The following SPATA25 variants were observed in gnomAD, a reference collection of about 807,000 sequenced individuals.
The protein encoded by SPATA25 is spermatogenesis associated 25.
Under a neutral mutation model 16.0 loss-of-function variants are expected in SPATA25, and 16 were observed. The ratio of observed to expected loss-of-function variants is 1.00; its 90% CI spans 0.68 to 1.52. The LOEUF (loss-of-function observed/expected upper bound fraction) is 1.52. SPATA25 is among the 40% of genes most tolerant of loss of function. The pLI, the probability that SPATA25 is intolerant of heterozygous loss-of-function variation, is 0.00. For missense variants in SPATA25, 285 were observed against 289.2 expected (o/e 0.99, Z 0.11); for synonymous variants, 115 against 118.5 (o/e 0.97, Z 0.19).
At chr20:45,890,180 G>A (rs1986684667), upstream of SPATA25, 2 of 1,569,308 alleles carry the variant, frequency 1.3e-6, no homozygotes, top group Non-Finnish European at 1.8e-6. Context: ...CTAGCACATG[G>A]GCTACGGAGC....
At position 45,887,082 on chromosome 20, in the gene SPATA25, G is replaced by T; in HGVS notation, c.119C>A (p.Ala40Asp). The T allele has an allele frequency of 6.2e-7, 1 of 1,606,346 alleles. No individual in the cohort carries two copies. ...LCSPVEPVVV[A>D]SGGTGPLSQK... Reference sequence around the variant, plus strand: ...GCTCAGTGGGCCTGTTCCACCAGAGGCCACCACCACTGGCTCTACAGGACT... The same window carrying T: ...GCTCAGTGGGCCTGTTCCACCAGAGTCCACCACCACTGGCTCTACAGGACT... Residue 40 changes from alanine to aspartate, a missense_variant, in exon 2 of 2, where the codon GCC becomes GAC. By Grantham distance (126) the Ala-to-Asp change is moderately radical (BLOSUM62 -2). Coordinates refer to ENST00000372519, the MANE Select transcript of SPATA25 (RefSeq NM_080608.4).
intron 1 of SPATA25, 141 bp from the exon 2 acceptor site, chr20:45,887,286 T>TA: frequency 2.8e-6 from 3 of 1,061,456 alleles, no homozygotes; most frequent in Non-Finnish European, 4.0e-6. Flanking sequence ...AACTAGGTGT[T>TA]ACTCATATCC....
chr20:45,887,418 A>T, intron 1 of SPATA25, 118 bp downstream of exon 1: 1 of 1,005,958 alleles, frequency 9.9e-7, no homozygotes, highest in Non-Finnish European at 1.4e-6. Context: ...TTCTAAAAGA[A>T]TTGATTCTAG....
upstream of SPATA25, among the ~76,000 whole-genome samples, chr20:45,888,430 T>C (rs1031877640): frequency 1.7e-4 from 26 of 152,194 alleles, 1 homozygote; most frequent in Admixed American, 1.6e-3. Context: ...CAAAACACAA[T>C]GTCTAGGCCT....
At chr20:45,889,770 C>T (rs2145808091), upstream of SPATA25, among the ~76,000 whole-genome samples, 1 of 152,236 alleles carries the variant, frequency 6.6e-6, no homozygotes, top group East Asian at 1.9e-4. Flanking sequence ...CATGCCACCA[C>T]ACCCAGCTAC....
At chr20:45,890,731 C>G (rs758028799), upstream of SPATA25, 3 of 1,613,214 alleles carry the variant, frequency 1.9e-6, no homozygotes, top group African/African-American at 1.3e-5. Context: ...CGGGGTCCAG[C>G]GCGGTCAGAC....
chr20:45,889,069 T>G (rs1206871018), upstream of SPATA25, among the ~76,000 whole-genome samples: 6 of 152,326 alleles, frequency 3.9e-5, no homozygotes, highest in African/African-American at 1.4e-4. Context: ...CAGCCCTGTT[T>G]ATATCATAAC....
upstream of SPATA25, chr20:45,890,470 C>T (rs1986720902): frequency 1.2e-6 from 2 of 1,601,832 alleles, no homozygotes; most frequent in South Asian, 2.2e-5. Context: ...GCTCATAGAG[C>T]TGGTCCAAGA....
chr20:45,890,085 T>A, upstream of SPATA25: 1 of 711,920 alleles, frequency 1.4e-6, no homozygotes, highest in Non-Finnish European at 2.3e-6. Flanking sequence ...CAAAACCATG[T>A]AGAGGCTTGT....
At chr20:45,890,456 T>A (rs1005907488), upstream of SPATA25, 11 of 1,606,104 alleles carry the variant, frequency 6.8e-6, no homozygotes, top group Admixed American at 1.7e-4. Flanking sequence ...AGGCAGCACG[T>A]TCAGCTCATA....
In SPATA25 at chr20:45,886,735, T is replaced by G. The variant is rs1255418115; in HGVS notation, c.466A>C (p.Thr156Pro). Residue 156 changes from threonine (T) to proline (P), a missense_variant, in exon 2 of 2, where the codon ACC becomes CCC. By Grantham distance (38) the Thr-to-Pro change is conservative (BLOSUM62 -1). Coordinates refer to ENST00000372519, the MANE Select transcript of SPATA25 (RefSeq NM_080608.4). ...ASSQPDICIL[T>P]LAMMIAGIPT... is the part of the protein sequence containing the mutation. ...ATGCCAGCGATCATCATGGCGAGGG[T>G]GAGGATGCAGATATCAGGCTGGGAG... 5.0e-6 allele frequency: 8 copies of G among 1,613,524 alleles called. No homozygotes were observed. Among genetic ancestry groups the G allele is most frequent in the Non-Finnish European group, 6.8e-6 (8 of 1,179,956 alleles).
Position 45,887,137 on chromosome 20 carries a change from C to A in SPATA25, c.64G>T (p.Ala22Ser). The change falls in exon 2 of 2, where the codon GCT becomes TCT. Residue 22 changes from alanine (A) to serine (S), a missense_variant. Ala to Ser is a moderately conservative substitution (Grantham distance 99). Transcript: ENST00000372519. ...AGGCCAAGGGACAAGCCTGGAGAAG[C>A]AGCCCCACCTGCAGAGACAGGAATG... ...GPLPSGQGGA[A>S]SPGLSLGLCS... 1 of 1,583,160 alleles carries A rather than the reference C, an allele frequency of 6.3e-7. No individual in the cohort carries two copies. Among genetic ancestry groups the A allele is most frequent in the Non-Finnish European group, 8.6e-7 (1 of 1,167,992 alleles).
At chr20:45,887,457 G>A (rs745339990) in intron 1 of SPATA25, 79 bp downstream of exon 1, 24 of 1,416,604 alleles carry the variant, frequency 1.7e-5, no homozygotes, top group African/African-American at 1.0e-4. Flanking sequence ...CAGCAGAACC[G>A]CCACCTCCCC....
At position 45,886,972 on chromosome 20, in the gene SPATA25, T is replaced by G; in HGVS notation, c.229A>C (p.Thr77Pro). ...TCCTTCCGTAGTGTCTCCCAGCTAG[T>G]CCCCCCAGGGCAGCCCCTGGCTTGT... ...MPQARGCPGG[T>P]SWETLRKEYS... Residue 77 changes from threonine (T) to proline (P), a missense_variant, in exon 2 of 2, where the codon ACT becomes CCT. Transcript: ENST00000372519. 6.2e-7 allele frequency: 1 copy of G among 1,613,836 alleles called. No homozygotes were observed. Among genetic ancestry groups the G allele is most frequent in the South Asian group, 1.1e-5 (1 of 91,080 alleles).
At chr20:45,890,513 AC>A (rs1188688529), upstream of SPATA25, 4 of 1,600,338 alleles carry the variant, frequency 2.5e-6, no homozygotes, top group Non-Finnish European at 3.4e-6. Context: ...GCTGCGGCCC[AC>A]CAGGCGGTCC....
chr20:45,890,311 G>T, upstream of SPATA25: 1 of 1,613,402 alleles, frequency 6.2e-7, no homozygotes, highest in Non-Finnish European at 8.5e-7. Context: ...CCACCACCGC[G>T]TAGAGGGGCT....
At chr20:45,890,400 G>C (rs1426872358), upstream of SPATA25, 4 of 1,612,414 alleles carry the variant, frequency 2.5e-6, no homozygotes, top group East Asian at 8.9e-5. Flanking sequence ...GTGCCATCGG[G>C]GCGCGGGCAA....
chr20:45,890,260 G>C, upstream of SPATA25: 2 of 1,613,770 alleles, frequency 1.2e-6, no homozygotes, highest in East Asian at 2.2e-5. Flanking sequence ...AGCCATACTC[G>C]AGCTGGACAA....
chr20:45,889,036 TC>T (rs1182300130), upstream of SPATA25: 1 of 710,062 alleles, frequency 1.4e-6, no homozygotes, highest in Non-Finnish European at 2.3e-6. Context: ...AAGCACCTCT[TC>T]CTGAGAGCTG....
Sources: gnomAD v4.1 joint callset for allele counts (sites outside exome capture counted in the v4.1 genomes callset) on GRCh38, gnomAD v4.1.1 for gene constraint, MANE v1.5 for transcripts, NCBI Gene and HGNC (gene_info 2026-07-23, HGNC 2026-07-21) for gene names.